AGO3: variants seen among roughly 807,000 people sequenced by gnomAD.
AGO3 encodes protein argonaute-3.
In AGO3, 16 loss-of-function variants were observed where a neutral mutation model predicts 105.5. The observed-to-expected ratio is 0.15, with a 90% CI of 0.10 to 0.23. The LOEUF (loss-of-function observed/expected upper bound fraction) is 0.23. Ranked by LOEUF, AGO3 falls within the 10% of genes least tolerant of loss-of-function variation. AGO3 has a pLI of 1.00. For synonymous variants in AGO3, 340 were observed against 367.3 expected, an observed-to-expected ratio of 0.93 and a Z score of 0.85; for missense variants, 534 against 1,088.0, an observed-to-expected ratio of 0.49 and a Z score of 7.16.
At position 36,068,015 on chromosome 1, in the gene AGO3, T is replaced by C. The variant is rs1322747281; in HGVS notation, c.*12270T>C. The C allele has an allele frequency of 6.6e-6, 1 of 152,240 alleles. No homozygotes were observed. Among genetic ancestry groups the C allele is most frequent in the Non-Finnish European group, 1.5e-5 (1 of 68,044 alleles). 9.4% of individuals were successfully genotyped at this position (152,240 alleles called of 1,614,324 possible). ...GTTTGTTTCCTTTGACATTCCATTA[T>C]CTTACTTACTAGAGTGCCACCATTC... On this transcript the variant is annotated 3_prime_UTR_variant, in exon 19 of 19. Coordinates refer to ENST00000373191, the MANE Select transcript of AGO3 (RefSeq NM_024852.4).
intron 2 of AGO3, among the ~76,000 whole-genome samples, chr1:35,948,425 G>A: frequency 6.6e-6 from 1 of 151,844 alleles, no homozygotes; most frequent in East Asian, 1.9e-4. Context: ...CTCCATGTTG[G>A]CCCAGGCTGG....
At chr1:36,009,694 C>A in intron 9 of AGO3, 100 bp downstream of exon 9, 1 of 1,176,554 alleles carries the variant, frequency 8.5e-7, no homozygotes, top group East Asian at 2.5e-5. Context: ...ATGACCATTT[C>A]ATGGACTGTC....
intron 4 of AGO3, 106 bp downstream of exon 4, chr1:35,972,338 A>T: frequency 7.9e-7 from 1 of 1,266,634 alleles, no homozygotes; most frequent in South Asian, 1.4e-5. Flanking sequence ...TGATTGTTCA[A>T]CTGAAATGTT....
chr1:35,978,341 C>T (rs896058202), intron 5 of AGO3, among the ~76,000 whole-genome samples: 5 of 152,064 alleles, frequency 3.3e-5, no homozygotes, highest in African/African-American at 9.7e-5. Context: ...AGGTGCATGC[C>T]ACGACACCCA....
chr1:36,027,408 GT>G lies in AGO3; in HGVS notation c.1591+111del. 1 of 1,072,704 alleles carries G rather than the reference GT, an allele frequency of 9.3e-7. No individual in the cohort carries two copies. Among genetic ancestry groups the G allele is most frequent in the South Asian group, 2.2e-5 (1 of 44,884 alleles). The allele number at this position is 1,072,704 out of a possible 1,614,324, so 66.4% of individuals were successfully genotyped here. ...ATATTAAAATATATTTTATGATACAGTATTTAAAACCATGTATTATTACTTG... is the reference window on the plus strand; with the variant it reads ...ATATTAAAATATATTTTATGATACAGATTTAAAACCATGTATTATTACTTG... On this transcript the variant is annotated intron_variant, in intron 12 of 18. Coordinates refer to ENST00000373191, the MANE Select transcript of AGO3 (RefSeq NM_024852.4). The surrounding 1 kb of genome is among the most constrained non-coding windows in gnomAD (Gnocchi z 4.0).
At chr1:36,015,021 G>T (rs1408970647) in intron 11 of AGO3, among the ~76,000 whole-genome samples, 2 of 152,062 alleles carry the variant, frequency 1.3e-5, no homozygotes, top group African/African-American at 2.4e-5. Flanking sequence ...CCAGCTGGGT[G>T]TCCTCCAATT....
In AGO3 at chr1:36,058,886, G is replaced by A. The variant is rs1384949588; in HGVS notation, c.*3141G>A. On this transcript the variant is annotated 3_prime_UTR_variant, in exon 19 of 19. Coordinates refer to ENST00000373191, the MANE Select transcript of AGO3 (RefSeq NM_024852.4). The stretch of plus-strand genomic sequence containing the variant: ...ATAGTCAGGATCATGGGCAAGAGAA[G>A]AAAATAGTATACCCAAGATGATAAA... 2 of 152,080 alleles carry A rather than the reference G, an allele frequency of 1.3e-5. No individual in the cohort carries two copies. The highest frequency in any genetic ancestry group is 4.8e-5 in the African/African-American group (2 of 41,394). 9.4% of individuals were successfully genotyped at this position (152,080 alleles called of 1,614,324 possible). A position where few individuals can be genotyped will look rare whatever the true frequency, so the allele number is the denominator to read the frequency against.
intron 3 of AGO3, among the ~76,000 whole-genome samples, chr1:35,971,688 A>G (rs1646873990): frequency 6.6e-6 from 1 of 152,120 alleles, no homozygotes; most frequent in Non-Finnish European, 1.5e-5. Context: ...AAAAGATGTC[A>G]TAATATTTGT....
chr1:35,999,328 G>A (rs981670294), intron 5 of AGO3, among the ~76,000 whole-genome samples: 1 of 152,098 alleles, frequency 6.6e-6, no homozygotes, highest in African/African-American at 2.4e-5. Flanking sequence ...GGCCAACAGA[G>A]CAAGACTCCA....
Position 36,071,165 on chromosome 1 carries a change from C to G in AGO3, c.*15420C>G, listed in dbSNP as rs1246999325. 1 of 152,108 alleles carries G rather than the reference C, an allele frequency of 6.6e-6. No individual in the cohort carries two copies. The highest frequency in any genetic ancestry group is 1.9e-4 in the East Asian group (1 of 5,198). The allele number at this position is 152,108 out of a possible 1,614,324, so 9.4% of individuals were successfully genotyped here. ...ACATACACCCCTAAAGCGTAGCTAA[C>G]TGCTCCCACTAGATAATTGCTGCTA... is the stretch of plus-strand genomic sequence containing the variant. On this transcript the variant is annotated 3_prime_UTR_variant, in exon 19 of 19. Transcript: ENST00000373191.
chr1:35,971,173 A>AT (rs1051594558), intron 3 of AGO3, among the ~76,000 whole-genome samples: 52 of 140,840 alleles, frequency 3.7e-4, no homozygotes, highest in Admixed American at 7.3e-4. Context: ...TTATTTATTT[A>AT]TTTTTTTTTT....
intron 5 of AGO3, chr1:35,982,591 G>C (rs1418350687): frequency 8.4e-6 from 6 of 716,830 alleles, no homozygotes; most frequent in Non-Finnish European, 1.3e-5. Flanking sequence ...TTTTAAGAAG[G>C]ATAGTGACAT....
chr1:36,004,791 A>G (rs1228618326), intron 6 of AGO3, among the ~76,000 whole-genome samples: 1 of 152,138 alleles, frequency 6.6e-6, no homozygotes, highest in Non-Finnish European at 1.5e-5. Flanking sequence ...AGCTCACTCC[A>G]AAAATATTTG....
chr1:36,020,520 A>C (rs74066015), intron 11 of AGO3, among the ~76,000 whole-genome samples: 7 of 152,348 alleles, frequency 4.6e-5, no homozygotes, highest in African/African-American at 1.7e-4. Context: ...GTGCTTACCA[A>C]GGTCCATTTC....
chr1:35,978,317 G>A (rs1305160823), intron 5 of AGO3, among the ~76,000 whole-genome samples: 2 of 152,046 alleles, frequency 1.3e-5, no homozygotes, highest in Admixed American at 1.3e-4. Flanking sequence ...AGCCTCCCAA[G>A]TAGCTGGGAT....
intron 11 of AGO3, among the ~76,000 whole-genome samples, chr1:36,022,562 T>G (rs1641284432): frequency 6.6e-6 from 1 of 152,114 alleles, no homozygotes; most frequent in African/African-American, 2.4e-5. Context: ...CATTTTCCCT[T>G]GAATCTTGGC....
At chr1:35,983,867 GA>G (rs1427820283) in intron 5 of AGO3, among the ~76,000 whole-genome samples, 1 of 152,166 alleles carries the variant, frequency 6.6e-6, no homozygotes, top group Non-Finnish European at 1.5e-5. Flanking sequence ...AAAGCTTGAG[GA>G]TTCTATGGAA....
chr1:35,981,761 C>CT (rs1647056982), intron 5 of AGO3, among the ~76,000 whole-genome samples: 2 of 152,300 alleles, frequency 1.3e-5, no homozygotes, highest in African/African-American at 4.8e-5. Context: ...ACCTCCTTTC[C>CT]TTACCTCCTT....
intron 2 of AGO3, among the ~76,000 whole-genome samples, chr1:35,952,651 A>G (rs1235505060): frequency 2.0e-5 from 3 of 152,276 alleles, no homozygotes; most frequent in African/African-American, 7.2e-5. Flanking sequence ...TTATGTTTAG[A>G]TACACAAATA....
Sources: allele counts gnomAD v4.1 joint callset (sites outside exome capture counted in the v4.1 genomes callset), GRCh38; gene constraint gnomAD v4.1.1; non-coding constraint Gnocchi (gnomAD v3.1); transcripts MANE v1.5; gene names NCBI Gene and HGNC (gene_info 2026-07-23, HGNC 2026-07-21).